Variants in SLC24A2 observed in about 807,000 individuals in gnomAD.
SLC24A2 encodes the protein sodium/potassium/calcium exchanger 2.
A neutral mutation model predicts 62.0 loss-of-function variants in SLC24A2; 36 were observed. The ratio of observed to expected loss-of-function variants is 0.58; its 90% CI spans 0.44 to 0.77. The LOEUF (loss-of-function observed/expected upper bound fraction) is 0.77. Ranked by LOEUF, SLC24A2 falls within the 30% of genes least tolerant of loss-of-function variation. The pLI is 0.00. For synonymous variants in SLC24A2, 358 were observed against 294.0 expected, an observed-to-expected ratio of 1.22 and a Z score of -2.23; for missense variants, 846 against 817.9, an observed-to-expected ratio of 1.03 and a Z score of -0.42.
intron 6 of SLC24A2, among the ~76,000 whole-genome samples, chr9:19,573,971 A>G (rs769522345): frequency 2.0e-5 from 3 of 152,148 alleles, no homozygotes; most frequent in Non-Finnish European, 4.4e-5. Context: ...GTACTCTGGA[A>G]AGGATATTAG....
the SLC24A2 span, among the ~76,000 whole-genome samples, chr9:20,060,149 A>G: frequency 6.6e-6 from 1 of 152,122 alleles, no homozygotes; most frequent in Non-Finnish European, 1.5e-5. Flanking sequence ...CAGAAACTGA[A>G]TTAGTAATAA....
At chr9:20,209,283 C>A in the SLC24A2 span, among the ~76,000 whole-genome samples, 1 of 152,192 alleles carries the variant, frequency 6.6e-6, no homozygotes, top group East Asian at 1.9e-4. Flanking sequence ...GACACAGTTT[C>A]TGTAATGAAT....
chr9:19,818,518 G>T, the SLC24A2 span, among the ~76,000 whole-genome samples: 3 of 152,104 alleles, frequency 2.0e-5, no homozygotes, highest in African/African-American at 7.2e-5. Flanking sequence ...CTGGATACAA[G>T]ATTAATGTAC....
the SLC24A2 span, among the ~76,000 whole-genome samples, chr9:19,850,383 A>T: frequency 2.0e-5 from 3 of 152,174 alleles, no homozygotes; most frequent in Non-Finnish European, 4.4e-5. Flanking sequence ...CATCTAGATA[A>T]CAAACTTTTT....
intron 7 of SLC24A2, among the ~76,000 whole-genome samples, chr9:19,558,796 G>T (rs1358609909): frequency 6.6e-6 from 1 of 152,120 alleles, no homozygotes; most frequent in Admixed American, 6.5e-5. Context: ...TTGGAGCATT[G>T]AAAATACTCT....
intron 2 of SLC24A2, among the ~76,000 whole-genome samples, chr9:19,774,044 C>G (rs1363594203): frequency 1.3e-5 from 2 of 152,036 alleles, no homozygotes; most frequent in African/African-American, 4.8e-5. Context: ...AGAGAGAGGT[C>G]TAGGAAATGA....
the SLC24A2 span, among the ~76,000 whole-genome samples, chr9:20,254,819 G>A: frequency 1.3e-5 from 2 of 152,132 alleles, no homozygotes; most frequent in Non-Finnish European, 2.9e-5. Context: ...TTTAACTGAC[G>A]CACAATTACA....
At chr9:20,258,016 C>T in the SLC24A2 span, among the ~76,000 whole-genome samples, 3 of 152,102 alleles carry the variant, frequency 2.0e-5, no homozygotes, top group Admixed American at 6.5e-5. Flanking sequence ...TCAATAGTGT[C>T]CTTACCTTAA....
chr9:20,097,863 C>G, the SLC24A2 span, among the ~76,000 whole-genome samples: 8 of 150,484 alleles, frequency 5.3e-5, no homozygotes, highest in African/African-American at 2.0e-4. Flanking sequence ...CTGCCTCAGA[C>G]TCCCGAGTAG....
the SLC24A2 span, among the ~76,000 whole-genome samples, chr9:19,883,775 C>T: frequency 1.3e-5 from 2 of 152,086 alleles, no homozygotes; most frequent in Admixed American, 6.5e-5. Flanking sequence ...CTGTGTTAGC[C>T]AGGATGGTCT....
the SLC24A2 span, among the ~76,000 whole-genome samples, chr9:20,287,924 C>A: frequency 6.6e-6 from 1 of 152,134 alleles, no homozygotes; most frequent in Non-Finnish European, 1.5e-5. Flanking sequence ...TGCTCTAAGT[C>A]CATTTATTAC....
chr9:20,037,184 C>T, the SLC24A2 span, among the ~76,000 whole-genome samples: 11 of 152,248 alleles, frequency 7.2e-5, no homozygotes, highest in African/African-American at 2.2e-4. Flanking sequence ...AGGCGTGAGC[C>T]GCTGCACCTG....
intron 2 of SLC24A2, among the ~76,000 whole-genome samples, chr9:19,771,238 G>C (rs963746593): frequency 6.6e-6 from 1 of 152,178 alleles, no homozygotes; most frequent in Admixed American, 6.5e-5. Context: ...TTCTGCACCA[G>C]GGAGGCATGT....
chr9:20,116,772 G>A, the SLC24A2 span, among the ~76,000 whole-genome samples: 1 of 152,132 alleles, frequency 6.6e-6, no homozygotes, highest in African/African-American at 2.4e-5. Context: ...TTATTGATCA[G>A]TTCATTGACT....
intron 2 of SLC24A2, among the ~76,000 whole-genome samples, chr9:19,730,964 T>G (rs1275119337): frequency 6.6e-6 from 1 of 152,140 alleles, no homozygotes; most frequent in East Asian, 1.9e-4. Context: ...TACTTAAAAC[T>G]GTCACACTTT....
At chr9:20,161,327 G>T in the SLC24A2 span, among the ~76,000 whole-genome samples, 1 of 151,272 alleles carries the variant, frequency 6.6e-6, no homozygotes, top group Non-Finnish European at 1.5e-5. Flanking sequence ...TAATCCCAAA[G>T]CTACATAAAT....
intron 3 of SLC24A2, among the ~76,000 whole-genome samples, chr9:19,621,562 A>C (rs1294243531): frequency 1.3e-5 from 2 of 152,236 alleles, no homozygotes; most frequent in Non-Finnish European, 2.9e-5. Context: ...AGACCTGAAT[A>C]AAATGGAAAT....
the SLC24A2 span, among the ~76,000 whole-genome samples, chr9:20,019,083 G>GAAAGAAAGAAAGAAAGAA: frequency 9.4e-6 from 1 of 105,966 alleles, no homozygotes; most frequent in African/African-American, 3.4e-5. Context: ...CAGAGAAAGA[G>GAAAGAAAGAAAGAAAGAA]AGAAAGAAAG....
chr9:20,079,272 C>G, the SLC24A2 span, among the ~76,000 whole-genome samples: 1 of 152,098 alleles, frequency 6.6e-6, no homozygotes. Flanking sequence ...AGTTATGTTG[C>G]TTTAAGCCAC....
Sources: allele counts gnomAD v4.1 joint callset (sites outside exome capture counted in the v4.1 genomes callset), GRCh38; gene constraint gnomAD v4.1.1; transcripts MANE v1.5; gene names NCBI Gene and HGNC (gene_info 2026-07-23, HGNC 2026-07-21).